CELF1: variants seen among roughly 807,000 people sequenced by gnomAD.
The protein encoded by CELF1 is CUGBP Elav-like family member 1.
CELF1 carries 10 observed loss-of-function variants against 61.8 expected under a neutral mutation model. That is an observed-to-expected ratio of 0.16 (90% CI 0.10 to 0.27). The LOEUF is 0.27. CELF1 is among the 10% of genes least tolerant of loss of function. The pLI is 1.00. For missense variants in CELF1, 380 were observed against 639.1 expected, an observed-to-expected ratio of 0.59 and a Z score of 4.37; for synonymous variants, 236 against 225.1, an observed-to-expected ratio of 1.05 and a Z score of -0.43.
chr11:47,475,312 A>G (rs2079532069), intron 13 of CELF1, 24 bp downstream of exon 13: 19 of 1,611,192 alleles, frequency 1.2e-5, no homozygotes, highest in Non-Finnish European at 1.6e-5. Flanking sequence ...CCCATACCTG[A>G]CCCCGATCTC....
At chr11:47,476,373 G>A (rs566932822) in intron 12 of CELF1, among the ~76,000 whole-genome samples, 50 of 152,252 alleles carry the variant, frequency 3.3e-4, no homozygotes, top group Middle Eastern at 3.4e-3. Context: ...AAGGTGGTCC[G>A]AAGTTATAGC....
At chr11:47,478,240 T>C (rs2081147043) in intron 10 of CELF1, among the ~76,000 whole-genome samples, 1 of 152,242 alleles carries the variant, frequency 6.6e-6, no homozygotes, top group Non-Finnish European at 1.5e-5. Flanking sequence ...CTGAAAACTA[T>C]GCCTTTCTCA....
chr11:47,516,501 G>C (rs73461747), intron 1 of CELF1, among the ~76,000 whole-genome samples: 9 of 152,176 alleles, frequency 5.9e-5, no homozygotes, highest in Middle Eastern at 6.8e-3. Context: ...TAAATCTTCC[G>C]GGTATTGCAG....
intron 1 of CELF1, among the ~76,000 whole-genome samples, chr11:47,529,576 T>C (rs1363477802): frequency 1.3e-5 from 2 of 151,926 alleles, no homozygotes; most frequent in Non-Finnish European, 2.9e-5. Context: ...GGAGAATCAT[T>C]TGAACCCAGG....
intron 1 of CELF1, chr11:47,523,358 T>C (rs1471814999): frequency 1.3e-5 from 2 of 152,060 alleles, no homozygotes; most frequent in African/African-American, 4.8e-5. Flanking sequence ...ATTAGGACAG[T>C]AAAATGAGAA....
At chr11:47,550,334 C>A (rs1247674044) in intron 1 of CELF1, among the ~76,000 whole-genome samples, 1 of 151,970 alleles carries the variant, frequency 6.6e-6, no homozygotes, top group Non-Finnish European at 1.5e-5. Flanking sequence ...AGTTCTAGAT[C>A]GGCCTGGCCA....
chr11:47,531,139 C>T (rs976913715), intron 1 of CELF1, among the ~76,000 whole-genome samples: 4 of 152,072 alleles, frequency 2.6e-5, no homozygotes, highest in East Asian at 1.9e-4. Context: ...CCCAGCTACT[C>T]GGGAAGCTGA....
chr11:47,538,024 T>A (rs2096673737), intron 1 of CELF1, among the ~76,000 whole-genome samples: 1 of 151,768 alleles, frequency 6.6e-6, no homozygotes, highest in African/African-American at 2.4e-5. Context: ...AGGAGTTGAG[T>A]CCTGCCTCAG....
At position 47,468,288 on chromosome 11, in the gene CELF1, G is replaced by A. The variant is rs2077014127; in HGVS notation, c.*3942C>T. On this transcript the variant is annotated 3_prime_UTR_variant, in exon 15 of 15. Transcript: ENST00000687097. ...GCGGTCAAAAAGGAAAGGGGGTTCA[G>A]GTGCTCTCCGCAGTTGAGAACTCAG... The A allele has an allele frequency of 6.6e-6, 1 of 152,214 alleles. No individual in the cohort carries two copies. Among genetic ancestry groups the A allele is most frequent in the South Asian group, 2.1e-4 (1 of 4,832 alleles). The allele number at this position is 152,214 out of a possible 1,614,324, so 9.4% of individuals were successfully genotyped here.
intron 2 of CELF1, among the ~76,000 whole-genome samples, chr11:47,559,998 T>C (rs1454603971): frequency 7.6e-6 from 1 of 132,146 alleles, no homozygotes; most frequent in African/African-American, 2.9e-5. Flanking sequence ...CAAGACTCTA[T>C]CTCAAAAAAA....
chr11:47,486,085 C>T (rs558220690), intron 6 of CELF1, among the ~76,000 whole-genome samples: 172 of 48,478 alleles, frequency 3.5e-3, no homozygotes, highest in Non-Finnish European at 5.4e-3. Flanking sequence ...GCAGTGAACC[C>T]GGGAGGCGGA....
At position 47,518,913 on chromosome 11, in the gene CELF1, C is replaced by T. The variant is rs531840837; in HGVS notation, c.-153-17981G>A. Among the ~76,000 whole-genome samples the T allele has an allele frequency of 4.0e-3, 610 of 152,310 alleles. 2 individuals carry two copies. The highest frequency in any genetic ancestry group is 6.6e-3 in the Admixed American group (101 of 15,298). On this transcript the variant is annotated intron_variant, in intron 1 of 14. Coordinates refer to ENST00000687097, the MANE Select transcript of CELF1 (RefSeq NM_001376376.1). ...ACCATCAAACACACGGGCACTCATG[C>T]GGGATGCTTCCATATGGTCTTGTTT...
At chr11:47,510,842 C>A (rs1342475623) in intron 1 of CELF1, among the ~76,000 whole-genome samples, 1 of 152,076 alleles carries the variant, frequency 6.6e-6, no homozygotes, top group Non-Finnish European at 1.5e-5. Flanking sequence ...CCTTGAAAAA[C>A]TTCCTTGATA....
rs71042680 is a variant in CELF1 at position 47,541,686 on chromosome 11, C to CTCAAAA, written c.-154+11305_-154+11306insTTTTGA. ...GAGCCTGGTGACAGGGCGAGACTGT[C>CTCAAAA]AAAGAAAGAAAGAAAGAAAGAAAGA... On this transcript the variant is annotated intron_variant, in intron 1 of 14. Transcript: ENST00000687097. Among the ~76,000 whole-genome samples, 11 of 11,646 alleles carry CTCAAAA rather than the reference C, an allele frequency of 9.4e-4. 5 individuals are homozygous for CTCAAAA. The East Asian group carries it at 0.098, about 103-fold the overall frequency. The allele number at this position is 11,646 out of a possible 152,430, so 7.6% of individuals were successfully genotyped here. A position where few individuals can be genotyped will look rare whatever the true frequency, so the allele number is the denominator to read the frequency against.
chr11:47,486,862 A>C (rs1195249246), intron 5 of CELF1, 64 bp from the exon 6 acceptor site: 2 of 1,193,576 alleles, frequency 1.7e-6, no homozygotes, highest in African/African-American at 3.0e-5. Flanking sequence ...ATACATATGG[A>C]CTCTAAAATA....
At chr11:47,477,693 C>A in intron 10 of CELF1, 1 of 331,834 alleles carries the variant, frequency 3.0e-6, no homozygotes, top group South Asian at 3.7e-5. Context: ...AATTAGGAAA[C>A]CAAGAAAAAC....
At chr11:47,562,355 GT>G (rs2097228724) in intron 2 of CELF1, among the ~76,000 whole-genome samples, 1 of 151,478 alleles carries the variant, frequency 6.6e-6, no homozygotes, top group Admixed American at 6.6e-5. Context: ...GTGAAAGCCT[GT>G]CTCTACCAAA....
intron 3 of CELF1, among the ~76,000 whole-genome samples, chr11:47,497,884 T>C (rs886599621): frequency 6.6e-6 from 1 of 152,206 alleles, no homozygotes; most frequent in Non-Finnish European, 1.5e-5. Flanking sequence ...GAATGCTGTG[T>C]CAATGTTGGG....
chr11:47,477,605 T>C (rs1003553911), intron 10 of CELF1, 180 bp from the exon 11 acceptor site: 1 of 551,078 alleles, frequency 1.8e-6, no homozygotes, highest in Non-Finnish European at 3.2e-6. Context: ...ATTAAGAAAC[T>C]TGAAATCATT....
Sources: gnomAD v4.1 joint callset for allele counts (sites outside exome capture counted in the v4.1 genomes callset) on GRCh38, gnomAD v4.1.1 for gene constraint, MANE v1.5 for transcripts, NCBI Gene and HGNC (gene_info 2026-07-23, HGNC 2026-07-21) for gene names.